Variants in PCLO observed in about 807,000 individuals in gnomAD.
PCLO encodes the protein protein piccolo.
PCLO carries 82 observed loss-of-function variants against 427.5 expected under a neutral mutation model. That is an observed-to-expected ratio of 0.19 (90% CI 0.16 to 0.23). PCLO has a LOEUF of 0.23. PCLO is among the 10% of genes least tolerant of loss of function. PCLO has a pLI of 1.00. For synonymous variants in PCLO, 2,357 were observed against 2,155.4 expected, an observed-to-expected ratio of 1.09 and a Z score of -2.59; for missense variants, 6,239 against 6,115.9, an observed-to-expected ratio of 1.02 and a Z score of -0.67.
intron 2 of PCLO, among the ~76,000 whole-genome samples, chr7:83,153,200 A>G (rs1051488309): frequency 3.3e-5 from 5 of 150,038 alleles, no homozygotes; most frequent in Non-Finnish European, 7.4e-5. Flanking sequence ...ATATGTATAT[A>G]TTGTATATAT....
At chr7:82,861,375 A>T (rs1029120585) in intron 10 of PCLO, among the ~76,000 whole-genome samples, 1 of 152,050 alleles carries the variant, frequency 6.6e-6, no homozygotes, top group Non-Finnish European at 1.5e-5. Flanking sequence ...AGTAGATTCC[A>T]AGACAAAAGC....
chr7:83,136,702 T>C (rs546568804), intron 2 of PCLO, among the ~76,000 whole-genome samples: 2 of 152,170 alleles, frequency 1.3e-5, no homozygotes, highest in Middle Eastern at 3.4e-3. Context: ...AAAAGCAATA[T>C]GAGTAAGTAA....
intron 3 of PCLO, among the ~76,000 whole-genome samples, chr7:82,974,872 G>A (rs527784139): frequency 1.3e-5 from 2 of 151,998 alleles, no homozygotes; most frequent in South Asian, 2.1e-4. Context: ...TCCATCTCAC[G>A]GGTTCATGCC....
At chr7:82,857,348 G>T (rs772365298) in intron 10 of PCLO, among the ~76,000 whole-genome samples, 10 of 152,082 alleles carry the variant, frequency 6.6e-5, no homozygotes, top group Non-Finnish European at 1.0e-4. Context: ...TCTGCTTTAA[G>T]TATTCTTACT....
chr7:82,821,451 G>T, intron 20 of PCLO: 1 of 985,472 alleles, frequency 1.0e-6, no homozygotes, highest in Non-Finnish European at 1.2e-6. Context: ...CACTAAAGGG[G>T]TTTAAAACTG....
In PCLO at chr7:83,162,476, G is replaced by A. The variant is rs1026167567; in HGVS notation, c.117C>T (p.Ala39=). The part of the protein sequence containing the change: ...AGSPSHTAIP[A]GMEADLSQLS... ...GCTGGCTCAAATCCGCCTCCATGCC[G>A]GCCGGGATCGCGGTGTGAGAGGGGC... The change falls in exon 1 of 25, where the codon GCC becomes GCT. Residue 39 remains alanine, a synonymous_variant. Coordinates refer to ENST00000333891, the MANE Select transcript of PCLO (RefSeq NM_033026.6). 1 of 1,581,904 alleles carries A rather than the reference G, an allele frequency of 6.3e-7. No individual in the cohort carries two copies. The highest frequency in any genetic ancestry group is 1.2e-5 in the South Asian group (1 of 86,726).
chr7:82,805,902 T>G, intron 20 of PCLO, 73 bp from the exon 21 acceptor site: 1 of 1,373,336 alleles, frequency 7.3e-7, no homozygotes, highest in East Asian at 2.5e-5. Context: ...TGCATCATTA[T>G]ACATCTTCTT....
intron 3 of PCLO, among the ~76,000 whole-genome samples, chr7:83,128,129 C>T (rs1791483991): frequency 6.6e-6 from 1 of 151,978 alleles, no homozygotes; most frequent in African/African-American, 2.4e-5. Context: ...AGCCTTACAT[C>T]TTTTATACAT....
At chr7:83,026,018 C>G (rs1429023698) in intron 3 of PCLO, among the ~76,000 whole-genome samples, 1 of 151,910 alleles carries the variant, frequency 6.6e-6, no homozygotes, top group Non-Finnish European at 1.5e-5. Context: ...ATGTAAAGAC[C>G]ATCGAGACTA....
intron 22 of PCLO, among the ~76,000 whole-genome samples, chr7:82,786,112 G>A (rs1046026267): frequency 2.0e-5 from 3 of 152,062 alleles, no homozygotes; most frequent in Non-Finnish European, 2.9e-5. Flanking sequence ...GAAATGTGAT[G>A]GAAACCTAAA....
At position 82,755,444 on chromosome 7, in the gene PCLO, A is replaced by G. The variant is rs998231007; in HGVS notation, c.*3131T>C. 10 of 152,194 alleles carry G rather than the reference A, an allele frequency of 6.6e-5. No individual in the cohort carries two copies. The highest frequency in any genetic ancestry group is 2.4e-4 in the African/African-American group (10 of 41,534). The allele number at this position is 152,194 out of a possible 1,614,324, so 9.4% of individuals were successfully genotyped here. On this transcript the variant is annotated 3_prime_UTR_variant, in exon 25 of 25. Transcript: ENST00000333891. The stretch of plus-strand genomic sequence containing the variant: ...TATTTGTGTCTGTAATGACTATTCT[A>G]TATTCCCTGTCTTTTGTAAAAAATT...
chr7:82,958,294 CTCCTTCCTTCTTCCTTCCTTCA>C (rs1795575995), intron 4 of PCLO, among the ~76,000 whole-genome samples: 1 of 150,862 alleles, frequency 6.6e-6, no homozygotes, highest in Admixed American at 6.6e-5. Context: ...TCCTTCCTTC[CTCCTTCCTTCTTCCTTCCTTCA>C]TCCTTCCTTC....
At chr7:83,145,662 T>C (rs1220214063) in intron 2 of PCLO, among the ~76,000 whole-genome samples, 1 of 152,230 alleles carries the variant, frequency 6.6e-6, no homozygotes, top group Non-Finnish European at 1.5e-5. Flanking sequence ...CCTATTAGAA[T>C]GTTATAAAGA....
rs765592600 is a variant in PCLO at position 83,134,233 on chromosome 7, AT to A, written c.3300+16del. The A allele has an allele frequency of 1.3e-5, 10 of 753,202 alleles. No homozygotes were observed. The South Asian group carries it at 1.7e-4, about 13-fold the overall frequency. 46.7% of individuals were successfully genotyped at this position (753,202 alleles called of 1,614,324 possible). A position where few individuals can be genotyped will look rare whatever the true frequency, so the allele number is the denominator to read the frequency against. Reference sequence around the variant, plus strand: ...CTCCATATGTAATATATATATATATATATATATATAACTTACCTCAGTCAAA... The same window carrying A: ...CTCCATATGTAATATATATATATATAATATATATAACTTACCTCAGTCAAA... On this transcript the variant is annotated intron_variant, in intron 3 of 24. Transcript: ENST00000333891.
chr7:82,946,892 A>G (rs1317075890), intron 6 of PCLO, among the ~76,000 whole-genome samples: 1 of 152,154 alleles, frequency 6.6e-6, no homozygotes, highest in East Asian at 1.9e-4. Flanking sequence ...GTGTAGAAGG[A>G]GCCTAAGGGC....
chr7:83,135,691 A>G, intron 2 of PCLO, 35 bp from the exon 3 acceptor site: 1 of 1,374,822 alleles, frequency 7.3e-7, no homozygotes, highest in South Asian at 1.4e-5. Flanking sequence ...CACCGAGACA[A>G]TACTGTAAAA....
chr7:82,872,824 A>G lies in PCLO; in HGVS notation c.13654+6513T>C, dbSNP rs138316149. 8.5e-4 allele frequency among the ~76,000 whole-genome samples: 130 copies of G among 152,322 alleles called. 1 individual carries two copies. Among genetic ancestry groups the G allele is most frequent in the South Asian group, 3.1e-3 (15 of 4,828 alleles). On this transcript the variant is annotated intron_variant, in intron 10 of 24. Transcript: ENST00000333891. ...TAGTGAAAATAAAGGAACTAGAGTT[A>G]CATGTACGTTTTGATTAATCTCCAA... is the stretch of plus-strand genomic sequence containing the variant.
At chr7:82,895,980 T>C (rs944014495) in intron 9 of PCLO, among the ~76,000 whole-genome samples, 7 of 151,844 alleles carry the variant, frequency 4.6e-5, no homozygotes, top group Non-Finnish European at 8.8e-5. Context: ...ATGAGATTAC[T>C]CAAAGATATC....
At chr7:82,839,694 G>A (rs1420253513) in intron 14 of PCLO, among the ~76,000 whole-genome samples, 1 of 151,958 alleles carries the variant, frequency 6.6e-6, no homozygotes, top group Non-Finnish European at 1.5e-5. Flanking sequence ...GTTTCTTATT[G>A]AAATGAAAAC....
Sources: gnomAD v4.1 joint callset for allele counts (sites outside exome capture counted in the v4.1 genomes callset) on GRCh38, gnomAD v4.1.1 for gene constraint, MANE v1.5 for transcripts, NCBI Gene and HGNC (gene_info 2026-07-23, HGNC 2026-07-21) for gene names.